The following KCNMB2 variants were observed in gnomAD, a reference collection of about 807,000 sequenced individuals.
KCNMB2 encodes potassium calcium-activated channel subfamily M regulatory beta subunit 2, also known as calcium-activated potassium channel subunit beta-2.
KCNMB2 carries 9 observed loss-of-function variants against 24.5 expected under a neutral mutation model. The observed-to-expected ratio is 0.37, with a 90% CI of 0.22 to 0.64. The LOEUF (loss-of-function observed/expected upper bound fraction) is 0.64, where lower values mean the gene tolerates loss of function less well. Among genes scored for constraint, KCNMB2 ranks in the 30% least tolerant of loss-of-function variants. The pLI is 0.63. For missense variants in KCNMB2, 226 were observed against 284.3 expected (o/e 0.79, Z 1.47); for synonymous variants, 109 against 104.4 (o/e 1.04, Z -0.27).
chr3:178,738,475 A>G (rs1723387969), intron 1 of KCNMB2, among the ~76,000 whole-genome samples: 1 of 152,232 alleles, frequency 6.6e-6, no homozygotes, highest in South Asian at 2.1e-4. Context: ...TCCAAAGTCT[A>G]CATGACCTGG....
At chr3:178,613,503 T>G (rs1331425113) in intron 1 of KCNMB2, among the ~76,000 whole-genome samples, 3 of 152,258 alleles carry the variant, frequency 2.0e-5, no homozygotes, top group African/African-American at 4.8e-5. Context: ...CTTTAGCATT[T>G]CCTGTGGGAC....
intron 1 of KCNMB2, among the ~76,000 whole-genome samples, chr3:178,668,625 A>T (rs1720798616): frequency 1.3e-5 from 2 of 152,130 alleles, no homozygotes; most frequent in African/African-American, 4.8e-5. Context: ...AAAGTTACGG[A>T]TCTGTGCATC....
chr3:178,552,511 T>C (rs1477557150), intron 1 of KCNMB2, among the ~76,000 whole-genome samples: 2 of 152,266 alleles, frequency 1.3e-5, no homozygotes, highest in South Asian at 2.1e-4. Context: ...ATATCAATGG[T>C]ACTATAAGCT....
chr3:178,792,747 C>T (rs1260798550), intron 1 of KCNMB2, among the ~76,000 whole-genome samples: 2 of 152,016 alleles, frequency 1.3e-5, no homozygotes, highest in African/African-American at 4.8e-5. Flanking sequence ...CAAATGAAAA[C>T]CAAAAAAGAG....
chr3:178,563,564 T>A (rs1716401386), intron 1 of KCNMB2, among the ~76,000 whole-genome samples: 1 of 152,190 alleles, frequency 6.6e-6, no homozygotes, highest in African/African-American at 2.4e-5. Flanking sequence ...TCTCCTTTAC[T>A]GAATGGTCTT....
intron 1 of KCNMB2, among the ~76,000 whole-genome samples, chr3:178,546,576 T>C (rs1169527782): frequency 2.0e-5 from 3 of 152,178 alleles, no homozygotes; most frequent in Non-Finnish European, 2.9e-5. Flanking sequence ...ACCCTTTAAA[T>C]TATAGCCTGT....
At chr3:178,828,402 T>TTTC (rs1714919997) in intron 4 of KCNMB2, 29 bp downstream of exon 4, 1 of 1,552,812 alleles carries the variant, frequency 6.4e-7, no homozygotes, top group African/African-American at 1.4e-5. Context: ...GCATTTCAGT[T>TTTC]ACCCCACAGA....
chr3:178,716,495 G>A (rs537755881), intron 1 of KCNMB2, among the ~76,000 whole-genome samples: 1 of 149,444 alleles, frequency 6.7e-6, no homozygotes, highest in East Asian at 2.0e-4. Flanking sequence ...CCAGGCTGGA[G>A]TGCAATGGCA....
chr3:178,649,992 T>A (rs1417276414), intron 1 of KCNMB2, among the ~76,000 whole-genome samples: 1 of 152,206 alleles, frequency 6.6e-6, no homozygotes, highest in African/African-American at 2.4e-5. Flanking sequence ...CGCTATAAAT[T>A]TCCCTCTAAA....
At chr3:178,608,857 C>T (rs902516826) in intron 1 of KCNMB2, among the ~76,000 whole-genome samples, 10 of 152,122 alleles carry the variant, frequency 6.6e-5, no homozygotes, top group East Asian at 1.9e-4. Context: ...CCATTGTGTA[C>T]GTATACCACA....
intron 1 of KCNMB2, among the ~76,000 whole-genome samples, chr3:178,753,294 T>C (rs558187643): frequency 6.6e-6 from 1 of 152,306 alleles, no homozygotes; most frequent in African/African-American, 2.4e-5. Context: ...CCACGGGAGG[T>C]AGCCACGATG....
intron 1 of KCNMB2, among the ~76,000 whole-genome samples, chr3:178,595,714 T>G (rs1245768857): frequency 6.6e-6 from 1 of 152,134 alleles, no homozygotes; most frequent in African/African-American, 2.4e-5. Context: ...TCCCCAGCCA[T>G]GCTGAGCTGT....
At chr3:178,778,460 A>G (rs1004232388) in intron 1 of KCNMB2, among the ~76,000 whole-genome samples, 3 of 48,010 alleles carry the variant, frequency 6.2e-5, no homozygotes, top group South Asian at 7.2e-4. Flanking sequence ...TTTAAGACAC[A>G]CACACACACA....
rs374218285 is a variant in KCNMB2 at position 178,801,355 on chromosome 3, C to T, written c.-67-5988C>T. Among the ~76,000 whole-genome samples, 36 of 152,190 alleles carry T rather than the reference C, an allele frequency of 2.4e-4. No individual in the cohort carries two copies. The South Asian group carries it at 7.3e-3, about 31-fold the overall frequency. ...TTAAAAAGAAAGAAAGAAAAGAAGT[C>T]TGCAATAAAAATCCAAAGAATGTAT... On this transcript the variant is annotated intron_variant, in intron 1 of 4. Coordinates refer to ENST00000452583, the MANE Select transcript of KCNMB2 (RefSeq NM_181361.3).
At chr3:178,673,433 C>T (rs1720971547) in intron 1 of KCNMB2, among the ~76,000 whole-genome samples, 1 of 151,996 alleles carries the variant, frequency 6.6e-6, no homozygotes, top group Admixed American at 6.6e-5. Context: ...AGCTAATGAC[C>T]TTAATTCTTA....
intron 2 of KCNMB2, among the ~76,000 whole-genome samples, chr3:178,819,781 T>C (rs796846383): frequency 1.3e-5 from 2 of 152,264 alleles, no homozygotes; most frequent in African/African-American, 4.8e-5. Context: ...TTCTAAAATA[T>C]TAGCAAAACA....
intron 1 of KCNMB2, among the ~76,000 whole-genome samples, chr3:178,600,448 T>C (rs558835678): frequency 6.6e-6 from 1 of 152,338 alleles, no homozygotes; most frequent in East Asian, 1.9e-4. Flanking sequence ...TGCTGGATCA[T>C]ACAATAACTC....
At chr3:178,575,924 C>T (rs1470891933) in intron 1 of KCNMB2, among the ~76,000 whole-genome samples, 1 of 152,152 alleles carries the variant, frequency 6.6e-6, no homozygotes, top group East Asian at 1.9e-4. Context: ...GCAATTTCTA[C>T]AGCTGGATCT....
At chr3:178,569,821 A>G (rs1716705643) in intron 1 of KCNMB2, among the ~76,000 whole-genome samples, 2 of 152,206 alleles carry the variant, frequency 1.3e-5, no homozygotes, top group Admixed American at 1.3e-4. Flanking sequence ...TCAAGGGGTA[A>G]TGTAGAACTG....
Sources: gnomAD v4.1 joint callset for allele counts (sites outside exome capture counted in the v4.1 genomes callset) on GRCh38, gnomAD v4.1.1 for gene constraint, MANE v1.5 for transcripts, NCBI Gene and HGNC (gene_info 2026-07-23, HGNC 2026-07-21) for gene names.